The following FAM178B variants were observed in gnomAD, a reference collection of about 807,000 sequenced individuals.
The protein encoded by FAM178B is protein FAM178B.
FAM178B carries 82 observed loss-of-function variants against 91.7 expected under a neutral mutation model. The ratio of observed to expected loss-of-function variants is 0.89; its 90% CI spans 0.75 to 1.07. FAM178B has a LOEUF of 1.07. Ranked by LOEUF, FAM178B falls within the 50% of genes least tolerant of loss-of-function variation. FAM178B has a pLI of 0.00. For synonymous variants in FAM178B, 368 were observed against 359.4 expected (o/e 1.02, Z -0.27); for missense variants, 769 against 846.7 (o/e 0.91, Z 1.14).
chr2:96,892,132 A>G (rs956477985), intron 14 of FAM178B, among the ~76,000 whole-genome samples: 1 of 152,174 alleles, frequency 6.6e-6, no homozygotes, highest in African/African-American at 2.4e-5. Context: ...ATGAGGAGTC[A>G]TCCGGCCGGG....
intron 9 of FAM178B, among the ~76,000 whole-genome samples, chr2:96,924,518 C>T (rs144656045): frequency 1.3e-3 from 195 of 152,286 alleles, no homozygotes; most frequent in African/African-American, 4.0e-3. Context: ...TCAAGCCACA[C>T]GCAGGGTGGT....
intron 8 of FAM178B, among the ~76,000 whole-genome samples, chr2:96,944,503 T>C (rs1156466694): frequency 1.3e-5 from 2 of 152,178 alleles, no homozygotes; most frequent in Non-Finnish European, 2.9e-5. Context: ...CTTTGCTGCC[T>C]TGAACACTCT....
intron 11 of FAM178B, 23 bp from the exon 12 acceptor site, chr2:96,921,285 G>A: frequency 1.3e-6 from 2 of 1,548,790 alleles, no homozygotes; most frequent in Non-Finnish European, 1.7e-6. Context: ...GGCACCCCAT[G>A]GGCTACAGGA....
At chr2:96,965,557 G>A (rs2082132874) in intron 5 of FAM178B, among the ~76,000 whole-genome samples, 1 of 151,868 alleles carries the variant, frequency 6.6e-6, no homozygotes. Flanking sequence ...CAACCTCCCC[G>A]GCTCAAGTGA....
intron 5 of FAM178B, among the ~76,000 whole-genome samples, chr2:96,962,175 A>G (rs184740141): frequency 0.011 from 1,673 of 152,096 alleles, 32 homozygotes; most frequent in African/African-American, 0.038. Flanking sequence ...GGTAGCCGGC[A>G]CCTGTAATCC....
intron 9 of FAM178B, among the ~76,000 whole-genome samples, chr2:96,927,179 C>T (rs1191497109): frequency 1.3e-5 from 2 of 152,156 alleles, no homozygotes; most frequent in East Asian, 1.9e-4. Flanking sequence ...GAGGGGTCAC[C>T]CTCCAATCCA....
chr2:96,949,875 G>A, intron 7 of FAM178B: 2 of 571,762 alleles, frequency 3.5e-6, no homozygotes, highest in Non-Finnish European at 4.4e-6. Context: ...AACTCCACAT[G>A]GGCCCATCAG....
At chr2:96,889,872 C>CCCG (rs2080627492) in intron 14 of FAM178B, among the ~76,000 whole-genome samples, 1 of 151,748 alleles carries the variant, frequency 6.6e-6, no homozygotes, top group Non-Finnish European at 1.5e-5. Flanking sequence ...GTTGAGATGG[C>CCCG]TCATGCCTGT....
intron 12 of FAM178B, among the ~76,000 whole-genome samples, chr2:96,904,833 C>A (rs1309612033): frequency 1.3e-5 from 2 of 152,002 alleles, no homozygotes; most frequent in Non-Finnish European, 2.9e-5. Context: ...GGCAACACAG[C>A]AAGACCCCAA....
At chr2:96,893,253 C>T (rs1164836666) in intron 14 of FAM178B, among the ~76,000 whole-genome samples, 1 of 152,076 alleles carries the variant, frequency 6.6e-6, no homozygotes, top group Non-Finnish European at 1.5e-5. Flanking sequence ...GAAGCTGAGC[C>T]CGGGATGCCC....
At chr2:96,977,994 T>G (rs1471398281) in intron 1 of FAM178B, 1 of 432,106 alleles carries the variant, frequency 2.3e-6, no homozygotes, top group Non-Finnish European at 4.6e-6. Context: ...TTGAAGTCCA[T>G]CAGAGGAGAA....
In FAM178B at chr2:96,972,249, G is replaced by T. The variant is rs1457932119; in HGVS notation, c.216C>A (p.Asp72Glu). 1.8e-5 allele frequency: 27 copies of T among 1,512,520 alleles called. No individual in the cohort carries two copies. The East Asian group carries it at 6.6e-4, about 37-fold the overall frequency. 93.7% of individuals were successfully genotyped at this position (1,512,520 alleles called of 1,614,324 possible). Residue 72 changes from aspartate to glutamate, a missense_variant, in exon 3 of 17, where the codon GAC becomes GAA. Asp to Glu is a conservative substitution (Grantham distance 45). Coordinates refer to ENST00000490605, the MANE Select transcript of FAM178B (RefSeq NM_001122646.3). ...LEDGLSDHPL[D>E]QGPRCPARRP... ...GCCGGGCAGGGCAGCGGGGCCCCTG[G>T]TCCAGGGGATGGTCTGACAAGCCAT... is the stretch of plus-strand genomic sequence containing the variant.
intron 4 of FAM178B, 103 bp downstream of exon 4, chr2:96,970,613 G>T: frequency 1.1e-6 from 1 of 876,058 alleles, no homozygotes; most frequent in Non-Finnish European, 1.8e-6. Context: ...CTGAGTCTGG[G>T]TGGGAGGCCG....
At chr2:96,981,489 G>GT (rs1291946988) in intron 1 of FAM178B, among the ~76,000 whole-genome samples, 1 of 152,132 alleles carries the variant, frequency 6.6e-6, no homozygotes, top group African/African-American at 2.4e-5. Context: ...TCTGTATCCT[G>GT]TTTAAGAAAC....
intron 14 of FAM178B, among the ~76,000 whole-genome samples, chr2:96,893,472 G>C (rs958041367): frequency 2.0e-5 from 3 of 152,078 alleles, no homozygotes; most frequent in Non-Finnish European, 4.4e-5. Context: ...CAGACTCAGT[G>C]ACAACCACAG....
chr2:96,878,035 A>G lies in FAM178B; in HGVS notation c.1862T>C (p.Leu621Pro), dbSNP rs1222957372. The change falls in exon 16 of 17, where the codon CTG becomes CCG. Residue 621 changes from leucine (L) to proline (P), a missense_variant. By Grantham distance (98) the Leu-to-Pro change is moderately conservative. Coordinates refer to ENST00000490605, the MANE Select transcript of FAM178B (RefSeq NM_001122646.3). ...GTCCAACTGCATGCACAGCAGCTGC[A>G]GCTCGCCCTGTGGAGGCGGAGGGAG... ...QDITPDQWGE[L>P]QLLCMQLDRH... 6 of 1,609,580 alleles carry G rather than the reference A, an allele frequency of 3.7e-6. No homozygotes were observed. In the African/African-American group the frequency reaches 8.0e-5, roughly 21 times the overall value.
At chr2:96,876,386 G>A (rs1030400202) in intron 16 of FAM178B, 78 bp from the exon 17 acceptor site, 143 of 1,536,008 alleles carry the variant, frequency 9.3e-5, no homozygotes, top group Non-Finnish European at 1.2e-4. Context: ...CCGGGCTGGC[G>A]GTGTCCATTC....
intron 14 of FAM178B, among the ~76,000 whole-genome samples, chr2:96,884,884 C>T (rs932601092): frequency 3.9e-5 from 6 of 152,202 alleles, no homozygotes; most frequent in African/African-American, 7.2e-5. Context: ...GACAGGTCGC[C>T]GGTCATAAGC....
chr2:96,978,617 TATG>T (rs903534512), intron 1 of FAM178B, among the ~76,000 whole-genome samples: 5 of 136,218 alleles, frequency 3.7e-5, no homozygotes, highest in African/African-American at 1.4e-4. Flanking sequence ...CTACAAGAGA[TATG>T]ATTTCTTCTT....
Sources: allele counts gnomAD v4.1 joint callset (sites outside exome capture counted in the v4.1 genomes callset), GRCh38; gene constraint gnomAD v4.1.1; transcripts MANE v1.5; gene names NCBI Gene and HGNC (gene_info 2026-07-23, HGNC 2026-07-21).